GBF1: variants seen among roughly 807,000 people sequenced by gnomAD.
The protein encoded by GBF1 is Golgi-specific brefeldin A-resistance guanine nucleotide exchange factor 1.
A neutral mutation model predicts 210.5 loss-of-function variants in GBF1; 114 were observed. That is an observed-to-expected ratio of 0.54 (90% CI 0.47 to 0.63). The LOEUF (loss-of-function observed/expected upper bound fraction) is 0.63, where lower values mean the gene tolerates loss of function less well. Among genes scored for constraint, GBF1 ranks in the 30% least tolerant of loss-of-function variants. GBF1 has a pLI of 0.00. For missense variants in GBF1, 1,851 were observed against 2,357.7 expected, an observed-to-expected ratio of 0.79 and a Z score of 4.45; for synonymous variants, 850 against 889.2, an observed-to-expected ratio of 0.96 and a Z score of 0.78.
At chr10:102,313,928 C>T (rs2078702089) in intron 3 of GBF1, among the ~76,000 whole-genome samples, 1 of 152,096 alleles carries the variant, frequency 6.6e-6, no homozygotes, top group South Asian at 2.1e-4. Flanking sequence ...TATTTTCCCA[C>T]CTCTACCCTT....
chr10:102,359,114 C>A, intron 10 of GBF1, 153 bp from the exon 11 acceptor site: 1 of 642,318 alleles, frequency 1.6e-6, no homozygotes, highest in Non-Finnish European at 2.8e-6. Context: ...ATACTCCTAC[C>A]TGAGCCATCT....
intron 3 of GBF1, among the ~76,000 whole-genome samples, chr10:102,285,211 A>C (rs1173046627): frequency 2.0e-5 from 3 of 152,174 alleles, no homozygotes; most frequent in Non-Finnish European, 4.4e-5. Flanking sequence ...TGTCAGTTAC[A>C]CTTTGGGTCT....
chr10:102,376,828 G>A (rs374251224), intron 32 of GBF1, 28 bp downstream of exon 32: 3 of 1,609,234 alleles, frequency 1.9e-6, no homozygotes, highest in Non-Finnish European at 2.5e-6. Context: ...GGGGCAGCTG[G>A]GGAGTAGCCA....
In GBF1 at chr10:102,377,107, C is replaced by G; in HGVS notation, c.4461C>G (p.Ser1487Arg). ...ATGAGGACGAAGGCGTGCCTGCCAGCTACCATACGGTGTCTTTACAGGTCA... is the reference window on the plus strand; with the variant it reads ...ATGAGGACGAAGGCGTGCCTGCCAGGTACCATACGGTGTCTTTACAGGTCA... ...DDDEDEGVPA[S>R]YHTVSLQVSQ... is the part of the protein sequence containing the mutation. Residue 1487 changes from serine to arginine, a missense_variant, in exon 33 of 40, where the codon AGC (serine) becomes AGG (arginine). Transcript: ENST00000369983. 6.2e-7 allele frequency: 1 copy of G among 1,614,076 alleles called. No homozygotes were observed. Among genetic ancestry groups the G allele is most frequent in the Non-Finnish European group, 8.5e-7 (1 of 1,179,962 alleles).
At chr10:102,281,786 C>T (rs2075508406) in intron 3 of GBF1, among the ~76,000 whole-genome samples, 1 of 151,770 alleles carries the variant, frequency 6.6e-6, no homozygotes, top group Non-Finnish European at 1.5e-5. Flanking sequence ...ATTCAGATTT[C>T]ATTAGGTTTT....
rs148162060 is a variant in GBF1 at position 102,381,541 on chromosome 10, G to A, written c.5302+286G>A. Among the ~76,000 whole-genome samples, 503 of 152,244 alleles carry A rather than the reference G, an allele frequency of 3.3e-3. 8 individuals carry two copies. Among genetic ancestry groups the A allele is most frequent in the Non-Finnish European group, 7.1e-4 (48 of 68,006 alleles). On this transcript the variant is annotated intron_variant, in intron 39 of 39. Transcript: ENST00000369983. ...GGATTCTAGTAGAGAGTAACCTGGC[G>A]GCCAGGCGCAGTGGCTCATACCTGT...
Position 102,353,639 on chromosome 10 carries a change from G to A in GBF1, c.624G>A (p.Gly208=), listed in dbSNP as rs749567720. 1.2e-6 allele frequency: 2 copies of A among 1,610,086 alleles called. No individual in the cohort carries two copies. The highest frequency in any genetic ancestry group is 2.2e-5 in the East Asian group (1 of 44,866). ...QFKEEPKNYV[G]TNMKKLKMRA... is the part of the protein sequence containing the mutation. Reference sequence around the variant, plus strand: ...AAGAAGAACCCAAGAACTATGTGGGGACCAACATGAAGAAGGTATGATCTG... The same window carrying A: ...AAGAAGAACCCAAGAACTATGTGGGAACCAACATGAAGAAGGTATGATCTG... Residue 208 remains glycine, a synonymous_variant, in exon 8 of 40, where the codon GGG becomes GGA. Transcript: ENST00000369983.
intron 3 of GBF1, among the ~76,000 whole-genome samples, chr10:102,297,731 C>T (rs1008274178): frequency 1.3e-5 from 2 of 152,170 alleles, no homozygotes; most frequent in African/African-American, 4.8e-5. Flanking sequence ...TGGACCTTTT[C>T]ATAACCCCTT....
rs2059467157 is a variant in GBF1 at position 102,359,408 on chromosome 10, C to A, written c.1153C>A (p.Arg385Ser). The A allele has an allele frequency of 6.2e-7, 1 of 1,613,642 alleles. No homozygotes were observed. The highest frequency in any genetic ancestry group is 8.5e-7 in the Non-Finnish European group (1 of 1,179,626). Residue 385 changes from arginine to serine, a missense_variant, in exon 11 of 40, where the codon CGC becomes AGC. Arg to Ser is a moderately radical substitution (Grantham distance 110). Around this residue, in one of 3 missense-constraint regions of GBF1, gnomAD observed 804 missense variants for 958.6 expected, o/e 0.84. Coordinates refer to ENST00000369983, the MANE Select transcript of GBF1 (RefSeq NM_001377137.1). ...DMDYVNPRGV[R>S]FTQSSQKEGT... ...GGATTACGTCAATCCCCGGGGCGTG[C>A]GCTTTACACAGTCCTCCCAGAAAGA...
intron 1 of GBF1, among the ~76,000 whole-genome samples, chr10:102,258,368 CTGGTCT>C (rs2072711582): frequency 6.7e-6 from 1 of 149,708 alleles, no homozygotes; most frequent in Admixed American, 6.6e-5. Context: ...GTTGGTCAGG[CTGGTCT>C]TGAGCTCCCG....
At chr10:102,344,462 T>C (rs1220160360) in intron 4 of GBF1, among the ~76,000 whole-genome samples, 1 of 143,404 alleles carries the variant, frequency 7.0e-6, no homozygotes, top group South Asian at 2.3e-4. Flanking sequence ...GGAAGTTTGG[T>C]TAGGTTTGTT....
In GBF1 at chr10:102,344,184, T is replaced by TAAGAC; in HGVS notation, c.295+6_295+7insCAAGA. ...AGTTCCTGTCCTATGCACTCATAGG[T>TAAGAC]AAGAGCTCAGGCTTTGTTGCATGAC... On this transcript the variant is annotated splice_region_variant and intron_variant, in intron 4 of 39. Coordinates refer to ENST00000369983, the MANE Select transcript of GBF1 (RefSeq NM_001377137.1). 1 of 1,613,672 alleles carries TAAGAC rather than the reference T, an allele frequency of 6.2e-7. No individual in the cohort carries two copies. Among genetic ancestry groups the TAAGAC allele is most frequent in the East Asian group, 2.2e-5 (1 of 44,880 alleles).
intron 1 of GBF1, among the ~76,000 whole-genome samples, chr10:102,255,592 G>A (rs1040241291): frequency 1.3e-5 from 2 of 152,140 alleles, no homozygotes; most frequent in South Asian, 2.1e-4. Flanking sequence ...CCTGGAGGCC[G>A]TAACCTCTTA....
At chr10:102,309,707 T>C (rs887905826) in intron 3 of GBF1, among the ~76,000 whole-genome samples, 4 of 152,230 alleles carry the variant, frequency 2.6e-5, no homozygotes, top group Middle Eastern at 3.2e-3. Flanking sequence ...AACCTAGTTA[T>C]GATTTTTGTG....
At chr10:102,277,629 T>G (rs893262432) in intron 3 of GBF1, among the ~76,000 whole-genome samples, 1 of 152,206 alleles carries the variant, frequency 6.6e-6, no homozygotes, top group African/African-American at 2.4e-5. Flanking sequence ...TCCGCCCACC[T>G]CGGCCTCCCA....
chr10:102,292,967 G>A (rs1007632697), intron 3 of GBF1, among the ~76,000 whole-genome samples: 1 of 152,098 alleles, frequency 6.6e-6, no homozygotes, highest in Non-Finnish European at 1.5e-5. Context: ...TGGGCATTTA[G>A]TTTCAAATTA....
chr10:102,236,092 G>T, the GBF1 span, among the ~76,000 whole-genome samples: 1 of 152,126 alleles, frequency 6.6e-6, no homozygotes, highest in Non-Finnish European at 1.5e-5. Context: ...GAAGGGTGGG[G>T]GCATAGACCT....
At chr10:102,376,203 GCCTGATTTATC>G in intron 30 of GBF1, 58 bp from the exon 31 acceptor site, 2 of 1,239,270 alleles carry the variant, frequency 1.6e-6, no homozygotes, top group Non-Finnish European at 2.3e-6. Context: ...TTTTCTGAGA[GCCTGATTTATC>G]CCTCATCCCA....
At chr10:102,280,487 C>A (rs141856231) in intron 3 of GBF1, among the ~76,000 whole-genome samples, 1 of 152,210 alleles carries the variant, frequency 6.6e-6, no homozygotes, top group Non-Finnish European at 1.5e-5. Context: ...TAGGAAGAGG[C>A]TATTAAGTGA....
Sources: allele counts gnomAD v4.1 joint callset (sites outside exome capture counted in the v4.1 genomes callset), GRCh38; gene constraint gnomAD v4.1.1; regional missense constraint gnomAD v4.1.1; transcripts MANE v1.5; gene names NCBI Gene and HGNC (gene_info 2026-07-23, HGNC 2026-07-21).